The following CTBS variants were observed in gnomAD, a reference collection of about 807,000 sequenced individuals.
CTBS encodes the protein chitobiase.
A neutral mutation model predicts 44.3 loss-of-function variants in CTBS; 35 were observed. That is an observed-to-expected ratio of 0.79 (90% CI 0.60 to 1.05). The LOEUF (loss-of-function observed/expected upper bound fraction) is 1.05, where lower values mean the gene tolerates loss of function less well. CTBS is among the 50% of genes least tolerant of loss of function. The pLI is 0.00. For synonymous variants in CTBS, 143 were observed against 168.0 expected (o/e 0.85, Z 1.15); for missense variants, 458 against 475.3 (o/e 0.96, Z 0.34).
At position 84,555,171 on chromosome 1, in the gene CTBS, C is replaced by G; in HGVS notation, c.986G>C (p.Trp329Ser). Residue 329 changes from tryptophan to serine, a missense_variant, in exon 7 of 7, where the codon TGG becomes TCG. Coordinates refer to ENST00000370630, the MANE Select transcript of CTBS (RefSeq NM_004388.3). ...AGAAATACTCTGAGGGTTATCATAC[C>G]ATACTTGATGAAAGTGGCCAGCAGG... The part of the protein sequence containing the change: ...KDPAGHFHQV[W>S]YDNPQSISLK... The G allele has an allele frequency of 6.2e-7, 1 of 1,613,548 alleles. No homozygotes were observed. Among genetic ancestry groups the G allele is most frequent in the Non-Finnish European group, 8.5e-7 (1 of 1,179,730 alleles).
chr1:84,566,599 A>AT (rs1436200471), intron 3 of CTBS, among the ~76,000 whole-genome samples: 10 of 152,102 alleles, frequency 6.6e-5, no homozygotes, highest in Admixed American at 6.6e-4. Context: ...AAATGATCTT[A>AT]TTTTACGGAA....
chr1:84,560,097 AAAAGAAAGAAAGAAAG>A (rs59549626), intron 6 of CTBS, among the ~76,000 whole-genome samples: 79 of 114,722 alleles, frequency 6.9e-4, no homozygotes, highest in Middle Eastern at 4.6e-3. Context: ...AAAAAAAAAA[AAAAGAAAGAAAGAAAG>A]AAAGAAAGAA....
Position 84,551,251 on chromosome 1 carries a change from T to C in CTBS, c.*3748A>G. On this transcript the variant is annotated 3_prime_UTR_variant, in exon 7 of 7. Coordinates refer to ENST00000370630, the MANE Select transcript of CTBS (RefSeq NM_004388.3). ...ATAATTATATGAATGCTCTCATTTCTTTATCAGAAACAGCTTTATGACACA... is the reference window on the plus strand; with the variant it reads ...ATAATTATATGAATGCTCTCATTTCCTTATCAGAAACAGCTTTATGACACA... 2.0e-6 allele frequency: 2 copies of C among 984,846 alleles called. No individual in the cohort carries two copies. The highest frequency in any genetic ancestry group is 1.2e-6 in the Non-Finnish European group (1 of 829,418). 61.0% of individuals were successfully genotyped at this position (984,846 alleles called of 1,614,324 possible). A position where few individuals can be genotyped will look rare whatever the true frequency, so the allele number is the denominator to read the frequency against.
At chr1:84,555,232 G>T in intron 6 of CTBS, 33 bp from the exon 7 acceptor site, 2 of 1,512,692 alleles carry the variant, frequency 1.3e-6, no homozygotes, top group Non-Finnish European at 1.8e-6. Context: ...AGATTTTAAA[G>T]TATTTAGTAC....
rs1333168262 is a variant in CTBS, at chr1:84,550,492, C to G, written c.*4507G>C. ...TGCAATTGACCAGCTTAAGAGAAAA[C>G]TAGATACTGACAAAATGAAACTCAT... On this transcript the variant is annotated 3_prime_UTR_variant, in exon 7 of 7. Transcript: ENST00000370630. 1.3e-6 allele frequency: 2 copies of G among 1,566,540 alleles called. No individual in the cohort carries two copies. Among genetic ancestry groups the G allele is most frequent in the African/African-American group, 1.4e-5 (1 of 72,952 alleles).
Position 84,553,208 on chromosome 1 carries a change from A to G in CTBS, c.*1791T>C. 1 of 759,716 alleles carries G rather than the reference A, an allele frequency of 1.3e-6. No individual in the cohort carries two copies. The highest frequency in any genetic ancestry group is 2.0e-6 in the Non-Finnish European group (1 of 490,370). 47.1% of individuals were successfully genotyped at this position (759,716 alleles called of 1,614,324 possible). ...TGTTTAACCATTATTCTCCTTGGCAATGTTTTATAAAAAGCACAAGGTTTC... is the reference window on the plus strand; with the variant it reads ...TGTTTAACCATTATTCTCCTTGGCAGTGTTTTATAAAAAGCACAAGGTTTC... On this transcript the variant is annotated 3_prime_UTR_variant, in exon 7 of 7. Transcript: ENST00000370630.
chr1:84,557,397 G>A (rs559809886), intron 6 of CTBS, among the ~76,000 whole-genome samples: 39 of 152,016 alleles, frequency 2.6e-4, no homozygotes, highest in African/African-American at 7.7e-4. Context: ...GCTGGGTGTG[G>A]TGATGCATGC....
At chr1:84,565,635 T>G (rs932661744) in intron 4 of CTBS, among the ~76,000 whole-genome samples, 4 of 152,152 alleles carry the variant, frequency 2.6e-5, no homozygotes, top group Admixed American at 2.6e-4. Flanking sequence ...TACCACAAGA[T>G]TGTTGGAAGA....
chr1:84,558,566 C>A (rs1033319304), intron 6 of CTBS, among the ~76,000 whole-genome samples: 4 of 150,060 alleles, frequency 2.7e-5, no homozygotes, highest in African/African-American at 9.8e-5. Context: ...GCTGGGATTA[C>A]AGGCGTGAGC....
intron 6 of CTBS, among the ~76,000 whole-genome samples, chr1:84,558,426 A>C (rs1684517517): frequency 6.7e-6 from 1 of 149,952 alleles, no homozygotes; most frequent in Admixed American, 6.6e-5. Flanking sequence ...AGTAGCTGGG[A>C]CTACAGGCGC....
chr1:84,574,439 G>A lies in CTBS; in HGVS notation c.-24C>T. 1 of 1,498,908 alleles carries A rather than the reference G, an allele frequency of 6.7e-7. No individual in the cohort carries two copies. Among genetic ancestry groups the A allele is most frequent in the Non-Finnish European group, 8.9e-7 (1 of 1,126,800 alleles). The allele number at this position is 1,498,908 out of a possible 1,614,324, so 92.9% of individuals were successfully genotyped here. A position where few individuals can be genotyped will look rare whatever the true frequency, so the allele number is the denominator to read the frequency against. On this transcript the variant is annotated 5_prime_UTR_variant, in exon 1 of 7. Coordinates refer to ENST00000370630, the MANE Select transcript of CTBS (RefSeq NM_004388.3). ...ATAGCAGCAGGTCTAGCGGGCCGGA[G>A]TGGGTTCCTACCGCCTGGGTGGGCG...
chr1:84,557,487 C>A (rs546266728), intron 6 of CTBS, among the ~76,000 whole-genome samples: 91 of 133,166 alleles, frequency 6.8e-4, no homozygotes, highest in Non-Finnish European at 1.1e-3. Flanking sequence ...CAGCCGAGAT[C>A]GTGCCACTGC....
chr1:84,564,844 C>T (rs1302318202), intron 4 of CTBS, among the ~76,000 whole-genome samples: 1 of 151,830 alleles, frequency 6.6e-6, no homozygotes, highest in African/African-American at 2.4e-5. Flanking sequence ...CCAGCCTGGG[C>T]AACATAGTAT....
At chr1:84,572,364 CTATTT>C (rs775878168) in intron 1 of CTBS, among the ~76,000 whole-genome samples, 27 of 150,414 alleles carry the variant, frequency 1.8e-4, no homozygotes, top group Non-Finnish European at 3.8e-4. Context: ...ATCAAAACTT[CTATTT>C]TAGTTCTGAT....
chr1:84,565,516 A>G (rs774505568), intron 4 of CTBS, among the ~76,000 whole-genome samples: 4 of 152,204 alleles, frequency 2.6e-5, no homozygotes, highest in Non-Finnish European at 5.9e-5. Context: ...CATGACAAGA[A>G]TATCAGACCA....
chr1:84,566,082 TATATATATTTTTTACCTTATACTACACA>T, intron 3 of CTBS, 70 bp from the exon 4 acceptor site: 1 of 977,742 alleles, frequency 1.0e-6, no homozygotes, highest in African/African-American at 1.7e-5. Context: ...TTTTTAAAAT[TATATATATTTTTTACCTTATACTACACA>T]AGGAAAAGGA....
chr1:84,571,261 G>A (rs1647293209), intron 1 of CTBS, among the ~76,000 whole-genome samples: 1 of 152,214 alleles, frequency 6.6e-6, no homozygotes, highest in Non-Finnish European at 1.5e-5. Flanking sequence ...AGTAAGAGAT[G>A]ATGGTGACCT....
rs934291005 is a variant in CTBS, at chr1:84,550,677, G to GA, written c.*4321dup. On this transcript the variant is annotated 3_prime_UTR_variant, in exon 7 of 7. Transcript: ENST00000370630. The stretch of plus-strand genomic sequence containing the variant: ...TACCTTAACAGTAAAGAGCATAGGT[G>GA]AAAAAAAAAATGCAGGAAGAAAAAC... The GA allele has an allele frequency of 2.1e-3, 2,299 of 1,101,512 alleles. No individual in the cohort carries two copies. Among genetic ancestry groups the GA allele is most frequent in the Middle Eastern group, 4.8e-3 (13 of 2,700 alleles). 68.2% of individuals were successfully genotyped at this position (1,101,512 alleles called of 1,614,324 possible).
chr1:84,569,222 T>C (rs188984185), intron 3 of CTBS, among the ~76,000 whole-genome samples: 23 of 152,322 alleles, frequency 1.5e-4, no homozygotes, highest in African/African-American at 4.3e-4. Flanking sequence ...TTTTTTAAAA[T>C]TGGGGGCTCT....
Sources: allele counts gnomAD v4.1 joint callset (sites outside exome capture counted in the v4.1 genomes callset), GRCh38; gene constraint gnomAD v4.1.1; transcripts MANE v1.5; gene names NCBI Gene and HGNC (gene_info 2026-07-23, HGNC 2026-07-21).